LTBP1: variants seen among roughly 807,000 people sequenced by gnomAD.
LTBP1 encodes the protein latent transforming growth factor beta binding protein 1.
LTBP1 carries 129 observed loss-of-function variants against 207.6 expected under a neutral mutation model. The observed-to-expected ratio is 0.62, with a 90% CI of 0.54 to 0.72. The LOEUF (loss-of-function observed/expected upper bound fraction) is 0.72, where lower values mean the gene tolerates loss of function less well. Among genes scored for constraint, LTBP1 ranks in the 30% least tolerant of loss-of-function variants. The pLI is 0.00. For synonymous variants in LTBP1, 963 were observed against 833.7 expected (o/e 1.16, Z -2.67); for missense variants, 2,281 against 2,217.2 (o/e 1.03, Z -0.58).
chr2:33,042,757 A>C (rs745768801), intron 3 of LTBP1, among the ~76,000 whole-genome samples: 3 of 152,226 alleles, frequency 2.0e-5, no homozygotes, highest in Non-Finnish European at 2.9e-5. Context: ...GCCTTGATCT[A>C]TGCCTAGATA....
intron 3 of LTBP1, chr2:33,056,424 T>G (rs2077002380): frequency 1.9e-6 from 2 of 1,042,496 alleles, no homozygotes; most frequent in African/African-American, 3.3e-5. Flanking sequence ...GATGGTGACT[T>G]TGCCCAGCAG....
In LTBP1 at chr2:33,088,559, C is replaced by T. The variant is rs113256111; in HGVS notation, c.864-22023C>T. Among the ~76,000 whole-genome samples, 142 of 152,242 alleles carry T rather than the reference C, an allele frequency of 9.3e-4. 1 individual carries two copies. The highest frequency in any genetic ancestry group is 5.8e-3 in the East Asian group (30 of 5,182). ...CACATGCTGACGCCTGCATGTGTTC[C>T]GCTCTGTTTGGAAATGTATCCCTAG... is the stretch of plus-strand genomic sequence containing the variant. On this transcript the variant is annotated intron_variant, in intron 3 of 33. Coordinates refer to ENST00000404816, the MANE Select transcript of LTBP1 (RefSeq NM_206943.4).
At chr2:33,320,392 C>G (rs2094337190) in intron 24 of LTBP1, among the ~76,000 whole-genome samples, 1 of 138,044 alleles carries the variant, frequency 7.2e-6, no homozygotes, top group African/African-American at 2.9e-5. Context: ...GTGATAAACT[C>G]TGTGAAAAAA....
intron 7 of LTBP1, among the ~76,000 whole-genome samples, chr2:33,213,016 C>T (rs2090428824): frequency 6.6e-6 from 1 of 152,174 alleles, no homozygotes; most frequent in Non-Finnish European, 1.5e-5. Context: ...ATCATGTCTG[C>T]ACGTAGTCTC....
chr2:33,303,107 G>GATAATGAT (rs2094019320), intron 22 of LTBP1, among the ~76,000 whole-genome samples: 1 of 152,088 alleles, frequency 6.6e-6, no homozygotes, highest in South Asian at 2.1e-4. Context: ...ATGGGTAAAT[G>GATAATGAT]ATAATGATTC....
At chr2:33,121,846 T>C (rs572898972) in intron 4 of LTBP1, among the ~76,000 whole-genome samples, 4 of 152,332 alleles carry the variant, frequency 2.6e-5, no homozygotes, top group African/African-American at 9.6e-5. Context: ...TGTAGAAATT[T>C]AATGAAAAGC....
intron 2 of LTBP1, among the ~76,000 whole-genome samples, chr2:32,979,684 C>T (rs143893193): frequency 7.2e-5 from 11 of 152,176 alleles, no homozygotes; most frequent in Non-Finnish European, 1.2e-4. Context: ...TGTAAATATC[C>T]GTTAGGTCCA....
intron 5 of LTBP1, among the ~76,000 whole-genome samples, chr2:33,156,732 A>T (rs1178840638): frequency 1.3e-5 from 2 of 152,212 alleles, no homozygotes; most frequent in Non-Finnish European, 2.9e-5. Context: ...AACATATTAT[A>T]AAATAGAAGA....
chr2:32,950,308 G>A (rs2148216042), intron 2 of LTBP1, among the ~76,000 whole-genome samples: 1 of 152,242 alleles, frequency 6.6e-6, no homozygotes, highest in Non-Finnish European at 1.5e-5. Context: ...TGTAATCCCA[G>A]CACTTTGGGA....
At chr2:32,953,190 T>C (rs1346515259) in intron 2 of LTBP1, among the ~76,000 whole-genome samples, 2 of 152,226 alleles carry the variant, frequency 1.3e-5, no homozygotes, top group Non-Finnish European at 2.9e-5. Context: ...CAGAGTCACA[T>C]GCACCCTTGG....
At chr2:33,145,622 T>G (rs931228430) in intron 5 of LTBP1, among the ~76,000 whole-genome samples, 6 of 152,236 alleles carry the variant, frequency 3.9e-5, no homozygotes, top group Non-Finnish European at 8.8e-5. Flanking sequence ...CCTCTGGATC[T>G]TCTTGTATTA....
intron 24 of LTBP1, among the ~76,000 whole-genome samples, chr2:33,340,147 A>G (rs975802736): frequency 6.6e-6 from 1 of 151,454 alleles, no homozygotes; most frequent in Non-Finnish European, 1.5e-5. Flanking sequence ...AGTCCCAGCT[A>G]CTCAGGAGAC....
chr2:33,043,394 ATAT>A (rs1284878259), intron 3 of LTBP1, among the ~76,000 whole-genome samples: 5 of 152,154 alleles, frequency 3.3e-5, no homozygotes, highest in Admixed American at 2.0e-4. Context: ...AAAAAATCGT[ATAT>A]TATTGTGTTT....
chr2:33,383,947 C>T (rs1313547038), intron 31 of LTBP1, among the ~76,000 whole-genome samples: 3 of 152,176 alleles, frequency 2.0e-5, no homozygotes, highest in Non-Finnish European at 2.9e-5. Context: ...GTGTGCAAAA[C>T]GAAATTGCAA....
At position 33,186,991 on chromosome 2, in the gene LTBP1, C is replaced by T; in HGVS notation, c.1337C>T (p.Ser446Phe). 1.9e-6 allele frequency: 3 copies of T among 1,614,190 alleles called. No homozygotes were observed. Among genetic ancestry groups the T allele is most frequent in the African/African-American group, 2.7e-5 (2 of 75,066 alleles). Residue 446 changes from serine to phenylalanine, a missense_variant, in exon 6 of 34, where the codon TCC (serine) becomes TTC (phenylalanine). Coordinates refer to ENST00000404816, the MANE Select transcript of LTBP1 (RefSeq NM_206943.4). The part of the protein sequence containing the change: ...GASVPKLYQH[S>F]QQPGKALGTH... ...AGCGTGCCTAAACTTTATCAGCATTCCCAGCAGCCAGGCAAGGCGTTGGGG... is the reference window on the plus strand; with the variant it reads ...AGCGTGCCTAAACTTTATCAGCATTTCCAGCAGCCAGGCAAGGCGTTGGGG...
chr2:33,218,266 C>CT (rs2090861815), intron 8 of LTBP1, among the ~76,000 whole-genome samples: 1 of 152,124 alleles, frequency 6.6e-6, no homozygotes, highest in South Asian at 2.1e-4. Flanking sequence ...CTTTGATTTG[C>CT]TTTTATTGTT....
At chr2:33,109,200 T>A (rs2080244152) in intron 3 of LTBP1, among the ~76,000 whole-genome samples, 1 of 152,238 alleles carries the variant, frequency 6.6e-6, no homozygotes, top group Non-Finnish European at 1.5e-5. Flanking sequence ...AGAGTGAGAC[T>A]ATTCAAGTTT....
At chr2:33,227,840 C>T (rs1465980789) in intron 9 of LTBP1, among the ~76,000 whole-genome samples, 1 of 111,056 alleles carries the variant, frequency 9.0e-6, no homozygotes, top group African/African-American at 3.5e-5. Context: ...GAGTCTCGCT[C>T]TGTCGCCAGG....
At chr2:32,987,604 T>G (rs750797864) in intron 2 of LTBP1, among the ~76,000 whole-genome samples, 11 of 152,210 alleles carry the variant, frequency 7.2e-5, no homozygotes, top group Non-Finnish European at 1.2e-4. Context: ...GTCATCTGTA[T>G]GTGAGAATCT....
Sources: allele counts gnomAD v4.1 joint callset (sites outside exome capture counted in the v4.1 genomes callset), GRCh38; gene constraint gnomAD v4.1.1; transcripts MANE v1.5; gene names NCBI Gene and HGNC (gene_info 2026-07-23, HGNC 2026-07-21).